Variants in RFTN1 observed in about 807,000 individuals in gnomAD.
RFTN1 encodes the protein raftlin.
Under a neutral mutation model 46.5 loss-of-function variants are expected in RFTN1, and 26 were observed. That is an observed-to-expected ratio of 0.56 (90% CI 0.41 to 0.78). RFTN1 has a LOEUF of 0.78. Among genes scored for constraint, RFTN1 ranks in the 30% least tolerant of loss-of-function variants. The pLI is 0.00. For synonymous variants in RFTN1, 261 were observed against 284.2 expected (o/e 0.92, Z 0.82); for missense variants, 693 against 718.7 (o/e 0.96, Z 0.41).
In RFTN1 at chr3:16,507,949, G is replaced by A. The variant is rs1259380257; in HGVS notation, c.-9+5493C>T. Reference sequence around the variant, plus strand: ...GTCTGCCTATGGAACAACACGACGGGACATTTCAGGTGTAAACGCCAGAGA... The same window carrying A: ...GTCTGCCTATGGAACAACACGACGGAACATTTCAGGTGTAAACGCCAGAGA... On this transcript the variant is annotated intron_variant, in intron 1 of 9. Transcript: ENST00000334133. The surrounding 1 kb of genome is among the most constrained non-coding windows in gnomAD (Gnocchi z 7.1). Among the ~76,000 whole-genome samples, 2 of 152,194 alleles carry A rather than the reference G, an allele frequency of 1.3e-5. No individual in the cohort carries two copies. The highest frequency in any genetic ancestry group is 3.8e-4 in the East Asian group (2 of 5,204).
At chr3:16,464,738 T>G (rs897293148) in intron 2 of RFTN1, among the ~76,000 whole-genome samples, 1 of 152,244 alleles carries the variant, frequency 6.6e-6, no homozygotes, top group African/African-American at 2.4e-5. Flanking sequence ...AATGTGCATA[T>G]TGTCTATGGC....
rs2069017020 is a variant in RFTN1, at chr3:16,321,217, T to C, written c.1332+2159A>G. On this transcript the variant is annotated intron_variant, in intron 9 of 9. Coordinates refer to ENST00000334133, the MANE Select transcript of RFTN1 (RefSeq NM_015150.2). This position sits in a 1 kb window ranked among gnomAD's most constrained non-coding sequence, Gnocchi z 4.8. ...CCTCGAGCCACAGGATGGATGGAGC[T>C]GGAGTCTTGGGGTGCAGTGAGGGCT... Among the ~76,000 whole-genome samples, 1 of 152,002 alleles carries C rather than the reference T, an allele frequency of 6.6e-6. No homozygotes were observed. The highest frequency in any genetic ancestry group is 1.5e-5 in the Non-Finnish European group (1 of 67,984).
In RFTN1 at chr3:16,338,254, G is replaced by A. The variant is rs2071048683; in HGVS notation, c.1147-11378C>T. ...CAGGGGTGTCTGCCCACACACACCT[G>A]CATGAGCAGAATGAGAACCAGGCAA... On this transcript the variant is annotated intron_variant, in intron 7 of 9. Transcript: ENST00000334133. This position sits in a 1 kb window ranked among gnomAD's most constrained non-coding sequence, Gnocchi z 5.3. Among the ~76,000 whole-genome samples the A allele has an allele frequency of 6.6e-6, 1 of 152,232 alleles. No individual in the cohort carries two copies. Among genetic ancestry groups the A allele is most frequent in the Non-Finnish European group, 1.5e-5 (1 of 68,040 alleles).
Position 16,317,260 on chromosome 3 carries a change from TAAC to T in RFTN1, c.1333-31_1333-29del, listed in dbSNP as rs2125154373. 1 of 1,606,138 alleles carries T rather than the reference TAAC, an allele frequency of 6.2e-7. No homozygotes were observed. Reference sequence around the variant, plus strand: ...AGAAATCAGAAAGGATGGGGATAAATAACAAGCCTCCGGGAACCCAGAGCTTCA... The same window carrying T: ...AGAAATCAGAAAGGATGGGGATAAATAAGCCTCCGGGAACCCAGAGCTTCA... On this transcript the variant is annotated intron_variant, in intron 9 of 9. Coordinates refer to ENST00000334133, the MANE Select transcript of RFTN1 (RefSeq NM_015150.2). This position sits in a 1 kb window ranked among gnomAD's most constrained non-coding sequence, Gnocchi z 4.3.
intron 6 of RFTN1, among the ~76,000 whole-genome samples, chr3:16,369,779 C>G (rs1249787792): frequency 6.6e-6 from 1 of 152,214 alleles, no homozygotes; most frequent in African/African-American, 2.4e-5. Context: ...AGGGAACAAT[C>G]TTTTTAAAAG....
Position 16,460,226 on chromosome 3 carries a change from G to C in RFTN1, c.146-26189C>G, listed in dbSNP as rs914569942. On this transcript the variant is annotated intron_variant, in intron 2 of 9. Coordinates refer to ENST00000334133, the MANE Select transcript of RFTN1 (RefSeq NM_015150.2). The surrounding 1 kb of genome is among the most constrained non-coding windows in gnomAD (Gnocchi z 4.8). ...TTCCACCGTGATTTTTATCTATTGT[G>C]TTATTTTGATATTTGTACATTTACT... is the stretch of plus-strand genomic sequence containing the variant. Among the ~76,000 whole-genome samples the C allele has an allele frequency of 1.3e-5, 2 of 152,114 alleles. No homozygotes were observed. The highest frequency in any genetic ancestry group is 4.8e-5 in the African/African-American group (2 of 41,418).
chr3:16,470,285 C>G (rs1190644838), intron 2 of RFTN1, among the ~76,000 whole-genome samples: 1 of 151,954 alleles, frequency 6.6e-6, no homozygotes, highest in African/African-American at 2.4e-5. Flanking sequence ...CAAAACAAAG[C>G]AACTTTCTGA....
rs1220310794 is a variant in RFTN1, at chr3:16,385,802, G to T, written c.442-7700C>A. 1.3e-5 allele frequency among the ~76,000 whole-genome samples: 2 copies of T among 152,144 alleles called. No homozygotes were observed. The highest frequency in any genetic ancestry group is 2.9e-5 in the Non-Finnish European group (2 of 68,030). On this transcript the variant is annotated intron_variant, in intron 4 of 9. Coordinates refer to ENST00000334133, the MANE Select transcript of RFTN1 (RefSeq NM_015150.2). This position sits in a 1 kb window ranked among gnomAD's most constrained non-coding sequence, Gnocchi z 5.0. ...CCAGAACATCCCAATCTTCCTCAGTGTATGCCCATCAGCAGAATTCAACAT... is the reference window on the plus strand; with the variant it reads ...CCAGAACATCCCAATCTTCCTCAGTTTATGCCCATCAGCAGAATTCAACAT...
chr3:16,451,127 C>A lies in RFTN1; in HGVS notation c.146-17090G>T, dbSNP rs2075815943. On this transcript the variant is annotated intron_variant, in intron 2 of 9. Transcript: ENST00000334133. This position sits in a 1 kb window ranked among gnomAD's most constrained non-coding sequence, Gnocchi z 4.2. ...TGCAGACAGAAGATCAGGTCTCCAG[C>A]CAAGAATTACCAAACTCTCAATAGT... Among the ~76,000 whole-genome samples, 1 of 152,122 alleles carries A rather than the reference C, an allele frequency of 6.6e-6. No individual in the cohort carries two copies. The highest frequency in any genetic ancestry group is 2.4e-5 in the African/African-American group (1 of 41,420).
Position 16,341,522 on chromosome 3 carries a change from G to T in RFTN1, c.1147-14646C>A, listed in dbSNP as rs76811909. ...AGGAGCCTTAAATCCATATTACTAA[G>T]TGAAAGAAGCCAACTGGAAAAGGCT... On this transcript the variant is annotated intron_variant, in intron 7 of 9. Coordinates refer to ENST00000334133, the MANE Select transcript of RFTN1 (RefSeq NM_015150.2). The surrounding 1 kb of genome is among the most constrained non-coding windows in gnomAD (Gnocchi z 4.7). Among the ~76,000 whole-genome samples the T allele has an allele frequency of 0.03, 4,563 of 152,280 alleles. 102 individuals carry two copies. Among genetic ancestry groups the T allele is most frequent in the Middle Eastern group, 0.082 (24 of 294 alleles).
In RFTN1 at chr3:16,386,393, A is replaced by C. The variant is rs551181384; in HGVS notation, c.442-8291T>G. ...ATTAACTCATTTAATCCTTATAATA[A>C]TAACAATAGGTATTATTTTTCATCC... On this transcript the variant is annotated intron_variant, in intron 4 of 9. Coordinates refer to ENST00000334133, the MANE Select transcript of RFTN1 (RefSeq NM_015150.2). Among the ~76,000 whole-genome samples, 3 of 152,320 alleles carry C rather than the reference A, an allele frequency of 2.0e-5. No individual in the cohort carries two copies. In the South Asian group the frequency reaches 6.2e-4, roughly 32 times the overall value.
Position 16,351,556 on chromosome 3 carries a change from C to G in RFTN1, c.1146+6376G>C, listed in dbSNP as rs1315531908. ...TGTAATGATACCCTAAGCCATTCTA[C>G]CTGAGGCTGTACTTGCAGAAATACA... On this transcript the variant is annotated intron_variant, in intron 7 of 9. Transcript: ENST00000334133. This position sits in a 1 kb window ranked among gnomAD's most constrained non-coding sequence, Gnocchi z 5.4. Among the ~76,000 whole-genome samples the G allele has an allele frequency of 6.6e-6, 1 of 152,196 alleles. No individual in the cohort carries two copies. Among genetic ancestry groups the G allele is most frequent in the Non-Finnish European group, 1.5e-5 (1 of 68,036 alleles).
At chr3:16,462,727 C>G (rs2076026803) in intron 2 of RFTN1, among the ~76,000 whole-genome samples, 1 of 152,250 alleles carries the variant, frequency 6.6e-6, no homozygotes, top group South Asian at 2.1e-4. Context: ...GTATCTATTG[C>G]TTTAAACCAC....
chr3:16,488,526 G>C (rs1181392928), intron 2 of RFTN1, among the ~76,000 whole-genome samples: 2 of 152,176 alleles, frequency 1.3e-5, no homozygotes, highest in Non-Finnish European at 2.9e-5. Flanking sequence ...TGAAAAATAA[G>C]TGTATAGAGT....
chr3:16,404,997 G>A (rs929842639), intron 4 of RFTN1, among the ~76,000 whole-genome samples: 1 of 152,128 alleles, frequency 6.6e-6, no homozygotes, highest in African/African-American at 2.4e-5. Flanking sequence ...GCCAGAAAAC[G>A]TGCACAATGA....
At chr3:16,401,598 C>T (rs1195293533) in intron 4 of RFTN1, among the ~76,000 whole-genome samples, 1 of 152,166 alleles carries the variant, frequency 6.6e-6, no homozygotes, top group Non-Finnish European at 1.5e-5. Flanking sequence ...CTCTTCTGTT[C>T]CTCCCTCTAC....
intron 6 of RFTN1, among the ~76,000 whole-genome samples, chr3:16,363,544 G>A (rs1342322475): frequency 6.6e-6 from 1 of 152,250 alleles, no homozygotes. Flanking sequence ...TAAATTCTGT[G>A]AGGCAACCAC....
intron 4 of RFTN1, among the ~76,000 whole-genome samples, chr3:16,396,555 A>C (rs577046142): frequency 3.6e-4 from 55 of 152,312 alleles, no homozygotes; most frequent in African/African-American, 1.2e-3. Flanking sequence ...GTCTTTCTAG[A>C]GTGAAAAAAG....
At position 16,356,415 on chromosome 3, in the gene RFTN1, G is replaced by T. The variant is rs778098477; in HGVS notation, c.1146+1517C>A. Among the ~76,000 whole-genome samples the T allele has an allele frequency of 6.6e-6, 1 of 152,170 alleles. No homozygotes were observed. The highest frequency in any genetic ancestry group is 6.5e-5 in the Admixed American group (1 of 15,282). On this transcript the variant is annotated intron_variant, in intron 7 of 9. Coordinates refer to ENST00000334133, the MANE Select transcript of RFTN1 (RefSeq NM_015150.2). This position sits in a 1 kb window ranked among gnomAD's most constrained non-coding sequence, Gnocchi z 4.9. ...TGACTTTCCAACTCCTGCTTCTGAC[G>T]ACTCCAGTTCCTTTGGGTACTCCAT...
Sources: gnomAD v4.1 joint callset for allele counts (sites outside exome capture counted in the v4.1 genomes callset) on GRCh38, gnomAD v4.1.1 for gene constraint, Gnocchi (gnomAD v3.1) non-coding constraint, MANE v1.5 for transcripts, NCBI Gene and HGNC (gene_info 2026-07-23, HGNC 2026-07-21) for gene names.